The following ZNF804B variants were observed in gnomAD, a reference collection of about 807,000 sequenced individuals.
ZNF804B encodes the protein zinc finger 804B.
Under a neutral mutation model 101.4 loss-of-function variants are expected in ZNF804B, and 80 were observed. That is an observed-to-expected ratio of 0.79 (90% CI 0.66 to 0.95). The LOEUF is 0.95. Ranked by LOEUF, ZNF804B falls within the 40% of genes least tolerant of loss-of-function variation. The pLI, the probability that ZNF804B is intolerant of heterozygous loss-of-function variation, is 0.00. For missense variants in ZNF804B, 1,673 were observed against 1,561.9 expected, an observed-to-expected ratio of 1.07 and a Z score of -1.20; for synonymous variants, 622 against 558.8, an observed-to-expected ratio of 1.11 and a Z score of -1.59.
intron 1 of ZNF804B, among the ~76,000 whole-genome samples, chr7:89,086,835 T>C (rs753015019): frequency 1.3e-4 from 20 of 151,908 alleles, no homozygotes; most frequent in Non-Finnish European, 2.9e-4. Flanking sequence ...AAAACAGTTA[T>C]AATAAAAATT....
Position 89,336,477 on chromosome 7 carries a change from C to A in ZNF804B, c.3495C>A (p.Ala1165=). ...IDKYKILQLQ[A]QQHMQKQLLS... is the part of the protein sequence containing the mutation. ...AATATAAGATCCTACAGCTACAAGC[C>A]CAGCAGCATATGCAGAAGCAACTCC... Residue 1165 remains alanine (A), a synonymous_variant, in exon 4 of 4, where the codon GCC becomes GCA. Coordinates refer to ENST00000333190, the MANE Select transcript of ZNF804B (RefSeq NM_181646.5). The A allele has an allele frequency of 6.2e-7, 1 of 1,614,042 alleles. No homozygotes were observed. The highest frequency in any genetic ancestry group is 8.5e-7 in the Non-Finnish European group (1 of 1,180,006).
Position 88,982,576 on chromosome 7 carries a change from C to T in ZNF804B, c.108+222492C>T, listed in dbSNP as rs1232841054. Among the ~76,000 whole-genome samples, 5 of 152,056 alleles carry T rather than the reference C, an allele frequency of 3.3e-5. No individual in the cohort carries two copies. In the East Asian group the frequency reaches 9.7e-4, roughly 30 times the overall value. On this transcript the variant is annotated intron_variant, in intron 1 of 3. Coordinates refer to ENST00000333190, the MANE Select transcript of ZNF804B (RefSeq NM_181646.5). The stretch of plus-strand genomic sequence containing the variant: ...ATAGTTGTCCCCAGGTCTGTATTGA[C>T]TGTGTCCTAATCTTTCCTTTTTATA...
intron 1 of ZNF804B, among the ~76,000 whole-genome samples, chr7:89,142,781 G>A (rs1790736134): frequency 6.6e-6 from 1 of 151,952 alleles, no homozygotes; most frequent in African/African-American, 2.4e-5. Context: ...TCTTCAGTTA[G>A]AATACTGATG....
At chr7:88,962,088 G>A (rs528373093) in intron 1 of ZNF804B, among the ~76,000 whole-genome samples, 3 of 151,224 alleles carry the variant, frequency 2.0e-5, no homozygotes, top group African/African-American at 4.8e-5. Flanking sequence ...AATGGTATTC[G>A]ACTGCAATAT....
At chr7:89,194,199 G>T in intron 1 of ZNF804B, among the ~76,000 whole-genome samples, 1 of 152,150 alleles carries the variant, frequency 6.6e-6, no homozygotes. Flanking sequence ...GTTCATTGTA[G>T]ATTCTGGATA....
chr7:89,273,161 T>C (rs570013750), intron 2 of ZNF804B, among the ~76,000 whole-genome samples: 13 of 152,232 alleles, frequency 8.5e-5, no homozygotes, highest in African/African-American at 3.1e-4. Flanking sequence ...AAAGTAGTTT[T>C]GAGGATTTTT....
At chr7:88,878,201 C>G (rs1478441809) in intron 1 of ZNF804B, among the ~76,000 whole-genome samples, 1 of 152,068 alleles carries the variant, frequency 6.6e-6, no homozygotes, top group East Asian at 1.9e-4. Context: ...GGGCTATAAT[C>G]CCATTGGTAC....
chr7:88,800,690 ATT>A (rs1790564307), intron 1 of ZNF804B, among the ~76,000 whole-genome samples: 3 of 96,812 alleles, frequency 3.1e-5, no homozygotes, highest in African/African-American at 1.3e-4. Flanking sequence ...AATAGATATG[ATT>A]TGTGTGTGTG....
chr7:89,058,517 T>A (rs921964898), intron 1 of ZNF804B, among the ~76,000 whole-genome samples: 1 of 152,126 alleles, frequency 6.6e-6, no homozygotes, highest in African/African-American at 2.4e-5. Context: ...AAACAAACAC[T>A]CTGTTTTTAT....
intron 1 of ZNF804B, among the ~76,000 whole-genome samples, chr7:88,988,834 G>A (rs974317414): frequency 6.6e-6 from 1 of 152,032 alleles, no homozygotes; most frequent in East Asian, 1.9e-4. Flanking sequence ...CTTTTAAAAC[G>A]AATTCATGCA....
intron 1 of ZNF804B, 40 bp downstream of exon 1, chr7:88,760,124 C>T (rs1458140825): frequency 6.6e-7 from 1 of 1,511,036 alleles, no homozygotes; most frequent in African/African-American, 1.4e-5. Flanking sequence ...ACAAACGTTC[C>T]AACTCAACAC....
chr7:89,020,456 T>A (rs192305478), intron 1 of ZNF804B, among the ~76,000 whole-genome samples: 7 of 152,274 alleles, frequency 4.6e-5, no homozygotes, highest in Non-Finnish European at 1.0e-4. Context: ...TTCTTATATG[T>A]GATTTGATGC....
intron 1 of ZNF804B, among the ~76,000 whole-genome samples, chr7:89,212,180 T>A (rs187713464): frequency 5.9e-5 from 9 of 152,042 alleles, no homozygotes; most frequent in African/African-American, 2.2e-4. Context: ...CCATCAGGAA[T>A]TTGCTTTGTA....
intron 1 of ZNF804B, among the ~76,000 whole-genome samples, chr7:88,898,260 G>C (rs896271079): frequency 4.0e-5 from 6 of 151,394 alleles, no homozygotes; most frequent in Non-Finnish European, 8.8e-5. Flanking sequence ...CTAATTTTTT[G>C]TATTTTTAGT....
chr7:88,931,699 A>G (rs1264021183), intron 1 of ZNF804B, among the ~76,000 whole-genome samples: 3 of 151,860 alleles, frequency 2.0e-5, no homozygotes, highest in Non-Finnish European at 4.4e-5. Flanking sequence ...AAATGAGTCC[A>G]GTCAGATCTT....
chr7:89,137,785 G>T (rs1790659094), intron 1 of ZNF804B, among the ~76,000 whole-genome samples: 1 of 152,174 alleles, frequency 6.6e-6, no homozygotes, highest in Non-Finnish European at 1.5e-5. Context: ...AATCACCAAG[G>T]CAATGGGGAA....
intron 1 of ZNF804B, among the ~76,000 whole-genome samples, chr7:89,180,611 T>C (rs1318331712): frequency 1.3e-5 from 2 of 151,994 alleles, no homozygotes; most frequent in African/African-American, 4.8e-5. Context: ...GCTTGGTGCT[T>C]TATTTTACTG....
intron 1 of ZNF804B, among the ~76,000 whole-genome samples, chr7:88,788,419 T>C (rs1434681489): frequency 6.6e-6 from 1 of 152,098 alleles, no homozygotes; most frequent in Non-Finnish European, 1.5e-5. Context: ...TCATATAGAA[T>C]GTTCTGACCG....
chr7:89,200,078 A>T (rs1011742183), intron 1 of ZNF804B, among the ~76,000 whole-genome samples: 1 of 151,606 alleles, frequency 6.6e-6, no homozygotes, highest in African/African-American at 2.4e-5. Context: ...AATCATTAGA[A>T]CCATTCTGTG....
Sources: gnomAD v4.1 joint callset for allele counts (sites outside exome capture counted in the v4.1 genomes callset) on GRCh38, gnomAD v4.1.1 for gene constraint, MANE v1.5 for transcripts, NCBI Gene and HGNC (gene_info 2026-07-23, HGNC 2026-07-21) for gene names.